LPA: variants seen among roughly 807,000 people sequenced by gnomAD.
The protein encoded by LPA is lipoprotein(a).
In LPA, 199 loss-of-function variants were observed where a neutral mutation model predicts 197.9. That is an observed-to-expected ratio of 1.01 (90% CI 0.90 to 1.13). The LOEUF is 1.13. Among genes scored for constraint, LPA ranks in the 50% most tolerant of loss-of-function variants. The probability of loss-of-function intolerance (pLI) is 0.00; values close to 1 mark genes in which losing one functional copy is unlikely to be tolerated. For synonymous variants in LPA, 715 were observed against 639.5 expected, an observed-to-expected ratio of 1.12 and a Z score of -1.78; for missense variants, 1,853 against 1,785.8, an observed-to-expected ratio of 1.04 and a Z score of -0.68.
At chr6:160,609,499 G>A (rs1188910446) in intron 16 of LPA, among the ~76,000 whole-genome samples, 1 of 152,008 alleles carries the variant, frequency 6.6e-6, no homozygotes, top group African/African-American at 2.4e-5. Flanking sequence ...TTTGAACTGT[G>A]ATGTAGAGAA....
At chr6:160,569,536 A>G (rs538684227) in intron 28 of LPA, among the ~76,000 whole-genome samples, 3 of 152,354 alleles carry the variant, frequency 2.0e-5, no homozygotes, top group African/African-American at 7.2e-5. Flanking sequence ...ACCCTAGAAG[A>G]AAACCTAAGC....
At position 160,586,463 on chromosome 6, in the gene LPA, AG is replaced by A; in HGVS notation, c.4114del (p.Leu1372PhefsTer44). On this transcript the variant is annotated frameshift_variant, in exon 25 of 39. Transcript: ENST00000316300. LOFTEE classifies it high-confidence loss of function. ...PTVVPVPSTE[L>X]PSEEAPTENS... The stretch of plus-strand genomic sequence containing the variant: ...AGGCTTCTTACCTTCTTCAGAAGGA[AG>A]CTCTGTGCTTGGAACTGGGACCACC... 3 of 1,613,582 alleles carry A rather than the reference AG, an allele frequency of 1.9e-6. No individual in the cohort carries two copies. The highest frequency in any genetic ancestry group is 2.5e-6 in the Non-Finnish European group (3 of 1,179,596).
At chr6:160,539,099 G>A (rs374182561) in intron 36 of LPA, among the ~76,000 whole-genome samples, 32 of 152,248 alleles carry the variant, frequency 2.1e-4, no homozygotes, top group East Asian at 7.7e-4. Context: ...AAGCTGCCAT[G>A]GGCTTGTGAC....
chr6:160,615,266 T>C (rs62441717), intron 14 of LPA, among the ~76,000 whole-genome samples: 6,106 of 132,792 alleles, frequency 0.046, 36 homozygotes, highest in African/African-American at 0.16. Flanking sequence ...ATTTTATATT[T>C]CACTGTTTCT....
chr6:160,649,411 A>G (rs1218126814), intron 2 of LPA, among the ~76,000 whole-genome samples: 2 of 152,184 alleles, frequency 1.3e-5, no homozygotes, highest in Non-Finnish European at 2.9e-5. Context: ...ATTTCTATGC[A>G]TATTTCTAGA....
intron 16 of LPA, 117 bp downstream of exon 16, chr6:160,611,445 C>A (rs878907325): frequency 2.8e-5 from 43 of 1,524,526 alleles, no homozygotes; most frequent in Non-Finnish European, 3.6e-5. Context: ...AGACATTTTG[C>A]TACACCATCT....
chr6:160,547,703 G>A, intron 32 of LPA, 86 bp downstream of exon 32: 3 of 1,584,066 alleles, frequency 1.9e-6, no homozygotes, highest in Non-Finnish European at 1.7e-6. Context: ...GCCTCCTGAA[G>A]TCTTTCCAGT....
At chr6:160,587,766 TG>T (rs1562333140) in intron 24 of LPA, among the ~76,000 whole-genome samples, 1 of 117,396 alleles carries the variant, frequency 8.5e-6, no homozygotes, top group Non-Finnish European at 1.7e-5. Flanking sequence ...TGTGTGTGTG[TG>T]TGTGTGTGTG....
At chr6:160,553,957 G>GCGCA (rs1554231711) in intron 30 of LPA, among the ~76,000 whole-genome samples, 1 of 148,940 alleles carries the variant, frequency 6.7e-6, no homozygotes, top group South Asian at 2.1e-4. Context: ...GTGTGTGTGC[G>GCGCA]CGCGCGCGCG....
At chr6:160,576,394 A>ATACATATATATATATATATATGTG (rs1778672608) in intron 28 of LPA, among the ~76,000 whole-genome samples, 2 of 53,754 alleles carry the variant, frequency 3.7e-5, no homozygotes, top group Non-Finnish European at 4.7e-5. Context: ...ATATATGTAT[A>ATACATATATATATATATATATGTG]TATATATATA....
At chr6:160,558,638 A>C (rs77204888) in intron 28 of LPA, among the ~76,000 whole-genome samples, 2,456 of 152,236 alleles carry the variant, frequency 0.016, 66 homozygotes, top group African/African-American at 0.057. Context: ...GATGAGATGA[A>C]AGAACAGTGG....
chr6:160,595,665 T>C (rs764929051), intron 20 of LPA, 130 bp from the exon 21 acceptor site: 188 of 1,326,448 alleles, frequency 1.4e-4, no homozygotes, highest in Non-Finnish European at 1.9e-4. Context: ...GGTCCCATAA[T>C]ATGCACAAAT....
Position 160,534,845 on chromosome 6 carries a change from G to A in LPA, c.5843-2196C>T, listed in dbSNP as rs62441897. The stretch of plus-strand genomic sequence containing the variant: ...GAGAGGAAACAGTGAGTGGGCTCTG[G>A]GGTCAACACCCAGCTACACCCTGGT... On this transcript the variant is annotated intron_variant, in intron 37 of 38. Transcript: ENST00000316300. 4.2e-3 allele frequency among the ~76,000 whole-genome samples: 635 copies of A among 152,182 alleles called. 2 individuals are homozygous for A. Among genetic ancestry groups the A allele is most frequent in the Middle Eastern group, 0.014 (4 of 294 alleles).
chr6:160,565,384 C>T (rs1217965453), intron 28 of LPA, among the ~76,000 whole-genome samples: 1 of 152,182 alleles, frequency 6.6e-6, no homozygotes, highest in Non-Finnish European at 1.5e-5. Context: ...TGTTCTGCAG[C>T]CTCCACTGGT....
At chr6:160,567,969 C>A (rs1778489604) in intron 28 of LPA, among the ~76,000 whole-genome samples, 1 of 152,132 alleles carries the variant, frequency 6.6e-6, no homozygotes, top group African/African-American at 2.4e-5. Context: ...CTTGAATAGA[C>A]CAATAACAGG....
intron 38 of LPA, 54 bp from the exon 39 acceptor site, chr6:160,531,944 T>C: frequency 6.3e-7 from 1 of 1,582,520 alleles, no homozygotes; most frequent in South Asian, 1.1e-5. Flanking sequence ...AACCTTTTAA[T>C]ATGGGATGCC....
intron 2 of LPA, among the ~76,000 whole-genome samples, chr6:160,647,737 C>T (rs574051173): frequency 6.6e-6 from 1 of 152,312 alleles, no homozygotes; most frequent in Admixed American, 6.5e-5. Flanking sequence ...TGGTACACTT[C>T]CAATTAATCC....
intron 23 of LPA, 36 bp from the exon 24 acceptor site, chr6:160,589,748 T>C (rs1296475857): frequency 6.2e-7 from 1 of 1,612,312 alleles, no homozygotes; most frequent in South Asian, 1.1e-5. Context: ...ACTGAGTAAT[T>C]TCCAGAACAC....
chr6:160,558,756 A>C (rs1230394199), intron 28 of LPA, among the ~76,000 whole-genome samples: 1 of 152,102 alleles, frequency 6.6e-6, no homozygotes, highest in Non-Finnish European at 1.5e-5. Context: ...GAAAGCAAGG[A>C]CCCTGGGGTG....
Sources: allele counts gnomAD v4.1 joint callset (sites outside exome capture counted in the v4.1 genomes callset), GRCh38; gene constraint gnomAD v4.1.1; transcripts MANE v1.5; gene names NCBI Gene and HGNC (gene_info 2026-07-23, HGNC 2026-07-21).